The following KCNAB1 variants were observed in gnomAD, a reference collection of about 807,000 sequenced individuals.
KCNAB1 encodes the protein potassium voltage-gated channel subfamily A regulatory beta subunit 1, also known as voltage-gated potassium channel subunit beta-1.
KCNAB1 carries 35 observed loss-of-function variants against 64.6 expected under a neutral mutation model. The ratio of observed to expected loss-of-function variants is 0.54; its 90% CI spans 0.41 to 0.72. The LOEUF (loss-of-function observed/expected upper bound fraction) is 0.72. KCNAB1 is among the 30% of genes least tolerant of loss of function. The pLI, the probability that KCNAB1 is intolerant of heterozygous loss-of-function variation, is 0.00. For missense variants in KCNAB1, 401 were observed against 512.9 expected (o/e 0.78, Z 2.11); for synonymous variants, 177 against 183.8 (o/e 0.96, Z 0.30).
At chr3:156,489,825 C>T (rs1715506014) in intron 8 of KCNAB1, among the ~76,000 whole-genome samples, 1 of 152,012 alleles carries the variant, frequency 6.6e-6, no homozygotes, top group Admixed American at 6.6e-5. Flanking sequence ...TAAGTGCCTG[C>T]AGATGAGTAA....
chr3:156,427,327 C>G (rs1473236147), intron 2 of KCNAB1, among the ~76,000 whole-genome samples: 1 of 152,072 alleles, frequency 6.6e-6, no homozygotes, highest in South Asian at 2.1e-4. Context: ...GACCCAGGAA[C>G]TTCTCACAGT....
At chr3:156,500,941 A>G (rs1383707054) in intron 8 of KCNAB1, among the ~76,000 whole-genome samples, 5 of 152,350 alleles carry the variant, frequency 3.3e-5, no homozygotes, top group African/African-American at 1.2e-4. Flanking sequence ...ACTACATATC[A>G]ATATACTAGC....
chr3:156,215,471 G>A (rs1715261542), intron 1 of KCNAB1: 1 of 152,266 alleles, frequency 6.6e-6, no homozygotes, highest in African/African-American at 2.4e-5. Flanking sequence ...TCGTCCTAAA[G>A]TAGAGGTCAG....
intron 1 of KCNAB1, among the ~76,000 whole-genome samples, chr3:156,225,582 A>G (rs1436979194): frequency 6.6e-6 from 1 of 152,206 alleles, no homozygotes; most frequent in Non-Finnish European, 1.5e-5. Context: ...GCAATCAGAC[A>G]AGAGAAAGAA....
upstream of KCNAB1, among the ~76,000 whole-genome samples, chr3:156,119,372 G>T (rs1214221940): frequency 6.6e-6 from 1 of 152,200 alleles, no homozygotes; most frequent in Non-Finnish European, 1.5e-5. Context: ...CCTCCATACC[G>T]TGGTGGCAGA....
intron 1 of KCNAB1, among the ~76,000 whole-genome samples, chr3:156,220,450 G>A (rs778715520): frequency 1.3e-5 from 2 of 152,180 alleles, no homozygotes; most frequent in Non-Finnish European, 2.9e-5. Flanking sequence ...GTTTTGATTT[G>A]CATTTCTCTG....
At chr3:156,298,364 A>G (rs868456186) in intron 1 of KCNAB1, among the ~76,000 whole-genome samples, 248 of 152,314 alleles carry the variant, frequency 1.6e-3, no homozygotes, top group African/African-American at 4.3e-3. Flanking sequence ...TCTAGCTGCA[A>G]TCTTCAGTTT....
At chr3:156,298,305 C>T (rs916189911) in intron 1 of KCNAB1, among the ~76,000 whole-genome samples, 12 of 152,228 alleles carry the variant, frequency 7.9e-5, no homozygotes, top group Middle Eastern at 3.4e-3. Flanking sequence ...CATGCATGTG[C>T]GCACGTGGAC....
chr3:156,245,974 TA>T (rs5853746), intron 1 of KCNAB1, among the ~76,000 whole-genome samples: 120,196 of 150,856 alleles, frequency 0.8, 47,956 homozygotes, highest in East Asian at 0.99. Flanking sequence ...TCAATATTGG[TA>T]AAAAAAAAAA....
chr3:156,139,296 A>G (rs1714554846), intron 1 of KCNAB1, among the ~76,000 whole-genome samples: 1 of 152,134 alleles, frequency 6.6e-6, no homozygotes, highest in Non-Finnish European at 1.5e-5. Context: ...TGGCTTTCTC[A>G]TTTCTCTCTC....
At chr3:156,181,988 T>C in intron 1 of KCNAB1, among the ~76,000 whole-genome samples, 1 of 152,220 alleles carries the variant, frequency 6.6e-6, no homozygotes, top group East Asian at 1.9e-4. Flanking sequence ...GAGTTATTCA[T>C]GAAAATGTTA....
At chr3:156,334,457 T>C (rs1033682646) in intron 1 of KCNAB1, among the ~76,000 whole-genome samples, 4 of 127,320 alleles carry the variant, frequency 3.1e-5, no homozygotes, top group South Asian at 5.1e-4. Flanking sequence ...TCTTGAGTCA[T>C]ATGGACCTGG....
intron 1 of KCNAB1, among the ~76,000 whole-genome samples, chr3:156,297,540 G>A (rs553111939): frequency 2.0e-4 from 31 of 152,028 alleles, no homozygotes; most frequent in Admixed American, 3.9e-4. Context: ...AAATTCCATG[G>A]CACTCTCTAC....
intron 1 of KCNAB1, chr3:156,292,103 G>A (rs1195785563): frequency 6.2e-7 from 1 of 1,613,974 alleles, no homozygotes; most frequent in Non-Finnish European, 8.5e-7. Flanking sequence ...AGAGTCCACC[G>A]CAAAGCAGAC....
chr3:156,475,413 C>T (rs1016989244), intron 8 of KCNAB1, among the ~76,000 whole-genome samples: 1 of 152,096 alleles, frequency 6.6e-6, no homozygotes, highest in Non-Finnish European at 1.5e-5. Flanking sequence ...TTTCTAAAAC[C>T]AGATTTTCTT....
At chr3:156,412,217 C>G (rs1714719021) in intron 1 of KCNAB1, among the ~76,000 whole-genome samples, 1 of 152,142 alleles carries the variant, frequency 6.6e-6, no homozygotes, top group African/African-American at 2.4e-5. Flanking sequence ...ACTTTTATAT[C>G]TTGATCTTAT....
At chr3:156,204,795 G>A (rs62286203) in intron 1 of KCNAB1, among the ~76,000 whole-genome samples, 6,916 of 152,046 alleles carry the variant, frequency 0.045, 196 homozygotes, top group East Asian at 0.093. Context: ...TTGTGCCACT[G>A]CACTCCAGTC....
intron 1 of KCNAB1, among the ~76,000 whole-genome samples, chr3:156,275,056 ACT>A (rs2108496628): frequency 6.6e-6 from 1 of 152,010 alleles, no homozygotes; most frequent in South Asian, 2.1e-4. Context: ...CCATCATTCT[ACT>A]CTCTGCTTCT....
At chr3:156,318,677 A>G (rs1017684917) in intron 1 of KCNAB1, among the ~76,000 whole-genome samples, 7 of 152,226 alleles carry the variant, frequency 4.6e-5, no homozygotes, top group African/African-American at 1.7e-4. Flanking sequence ...CAAGCAAGCA[A>G]GCTGGATTTT....
Sources: gnomAD v4.1 joint callset for allele counts (sites outside exome capture counted in the v4.1 genomes callset) on GRCh38, gnomAD v4.1.1 for gene constraint, MANE v1.5 for transcripts, NCBI Gene and HGNC (gene_info 2026-07-23, HGNC 2026-07-21) for gene names.